The following MGAT4C variants were observed in gnomAD, a reference collection of about 807,000 sequenced individuals.
The protein encoded by MGAT4C is MGAT4 family member C.
Under a neutral mutation model 40.1 loss-of-function variants are expected in MGAT4C, and 19 were observed. The ratio of observed to expected loss-of-function variants is 0.47; its 90% CI spans 0.33 to 0.70. The LOEUF (loss-of-function observed/expected upper bound fraction) is 0.70. MGAT4C is among the 30% of genes least tolerant of loss of function. MGAT4C has a pLI of 0.02. For missense variants in MGAT4C, 491 were observed against 563.2 expected, an observed-to-expected ratio of 0.87 and a Z score of 1.30; for synonymous variants, 181 against 187.1, an observed-to-expected ratio of 0.97 and a Z score of 0.27.
chr12:86,461,504 C>T (rs976995261), intron 2 of MGAT4C, among the ~76,000 whole-genome samples: 3 of 152,070 alleles, frequency 2.0e-5, no homozygotes, highest in Non-Finnish European at 4.4e-5. Flanking sequence ...CTCGGCCTCC[C>T]AAAGTGCTGG....
At chr12:86,767,704 G>T (rs1010714715) in intron 1 of MGAT4C, among the ~76,000 whole-genome samples, 1 of 152,140 alleles carries the variant, frequency 6.6e-6, no homozygotes, top group Non-Finnish European at 1.5e-5. Context: ...ATGCAAGGCT[G>T]GTTCAATATA....
At chr12:86,791,886 G>A (rs950862546) in intron 1 of MGAT4C, among the ~76,000 whole-genome samples, 2 of 152,184 alleles carry the variant, frequency 1.3e-5, no homozygotes, top group African/African-American at 4.8e-5. Flanking sequence ...CTGGGGAAAA[G>A]CGCAGTGATT....
intron 2 of MGAT4C, among the ~76,000 whole-genome samples, chr12:86,584,061 T>C (rs1236432775): frequency 6.6e-6 from 1 of 150,888 alleles, no homozygotes; most frequent in African/African-American, 2.4e-5. Context: ...AAGGACGATA[T>C]ATAAAAGTCA....
chr12:86,714,007 C>G (rs752521888), intron 2 of MGAT4C, among the ~76,000 whole-genome samples: 1 of 152,082 alleles, frequency 6.6e-6, no homozygotes, highest in Non-Finnish European at 1.5e-5. Flanking sequence ...TGAGTCCTCA[C>G]GAGCATTGCA....
chr12:86,089,285 CTTATT>C (rs1872459198), intron 1 of MGAT4C, among the ~76,000 whole-genome samples: 2 of 151,732 alleles, frequency 1.3e-5, no homozygotes, highest in Admixed American at 1.3e-4. Context: ...AAAAGTGTTT[CTTATT>C]TTATTGTATT....
chr12:86,558,934 A>C (rs2136405624), intron 2 of MGAT4C, among the ~76,000 whole-genome samples: 1 of 152,086 alleles, frequency 6.6e-6, no homozygotes, highest in Admixed American at 6.5e-5. Context: ...AGAATGGATA[A>C]AAAACAATGC....
At chr12:86,299,573 G>A (rs1953762745) in intron 4 of MGAT4C, among the ~76,000 whole-genome samples, 1 of 152,016 alleles carries the variant, frequency 6.6e-6, no homozygotes, top group Admixed American at 6.6e-5. Flanking sequence ...TTCTCTTTTG[G>A]GTTTGTTAGG....
Position 86,836,765 on chromosome 12 carries a change from A to T in MGAT4C, c.-262+1901T>A, listed in dbSNP as rs1361522230. Among the ~76,000 whole-genome samples, 3 of 152,262 alleles carry T rather than the reference A, an allele frequency of 2.0e-5. No homozygotes were observed. In the East Asian group the frequency reaches 5.8e-4, roughly 29 times the overall value. ...ATTCAAAAGGCAAATTAAAGAATAT[A>T]TTGCTAAACTTCTATTCTAGCTCCT... is the stretch of plus-strand genomic sequence containing the variant. On this transcript the variant is annotated intron_variant, in intron 1 of 7. Transcript: ENST00000548651.
intron 1 of MGAT4C, among the ~76,000 whole-genome samples, chr12:86,132,080 T>C (rs1307325963): frequency 6.6e-6 from 1 of 152,208 alleles, no homozygotes; most frequent in African/African-American, 2.4e-5. Flanking sequence ...CAAGCTTTTT[T>C]AGGATCTACC....
intron 2 of MGAT4C, among the ~76,000 whole-genome samples, chr12:86,595,503 C>T (rs190488687): frequency 6.6e-6 from 1 of 151,392 alleles, no homozygotes; most frequent in Non-Finnish European, 1.5e-5. Flanking sequence ...TGCACTCCAG[C>T]CTGGGTGACA....
At chr12:86,318,148 AG>A (rs1162031128) in intron 4 of MGAT4C, among the ~76,000 whole-genome samples, 1 of 152,124 alleles carries the variant, frequency 6.6e-6, no homozygotes, top group Admixed American at 6.5e-5. Flanking sequence ...TGGTTCTGTG[AG>A]GAGAGATTTA....
At chr12:86,187,656 C>T (rs193091628) in intron 1 of MGAT4C, among the ~76,000 whole-genome samples, 1 of 151,458 alleles carries the variant, frequency 6.6e-6, no homozygotes, top group Admixed American at 6.6e-5. Flanking sequence ...AAAAAAGGGC[C>T]TATAACGGGC....
rs544715516 is a variant in MGAT4C at position 86,176,767 on chromosome 12, G to A, written c.-57+79472C>T. On this transcript the variant is annotated intron_variant, in intron 1 of 4. Coordinates refer to ENST00000611864, the MANE Select transcript of MGAT4C (RefSeq NM_001351288.2). ...ATTAAAATATTGATGATATTATATA[G>A]TGTGTTCTATATAATCCTTTTTTAG... Among the ~76,000 whole-genome samples, 3 of 149,658 alleles carry A rather than the reference G, an allele frequency of 2.0e-5. No homozygotes were observed. The East Asian group carries it at 5.9e-4, about 29-fold the overall frequency.
intron 2 of MGAT4C, among the ~76,000 whole-genome samples, chr12:86,655,544 T>G (rs1016721099): frequency 6.6e-6 from 1 of 152,126 alleles, no homozygotes; most frequent in Non-Finnish European, 1.5e-5. Flanking sequence ...TTTCCACAAC[T>G]TGAATGCCAT....
intron 2 of MGAT4C, among the ~76,000 whole-genome samples, chr12:86,638,565 A>G (rs1963290447): frequency 1.3e-5 from 2 of 151,796 alleles, no homozygotes. Context: ...TGCTTTTTAT[A>G]TATTATTGTA....
chr12:86,148,780 C>A (rs112744249), intron 1 of MGAT4C, among the ~76,000 whole-genome samples: 9,297 of 152,176 alleles, frequency 0.061, 413 homozygotes, highest in African/African-American at 0.13. Context: ...TACAGGCAGT[C>A]ATATTATTAA....
intron 4 of MGAT4C, among the ~76,000 whole-genome samples, chr12:86,265,747 A>G (rs938574422): frequency 3.3e-5 from 5 of 152,190 alleles, no homozygotes; most frequent in Non-Finnish European, 7.3e-5. Flanking sequence ...CAATGAAAGT[A>G]TGGTCATTTT....
intron 1 of MGAT4C, among the ~76,000 whole-genome samples, chr12:86,155,594 A>G (rs968891354): frequency 6.6e-6 from 1 of 152,206 alleles, no homozygotes; most frequent in Non-Finnish European, 1.5e-5. Flanking sequence ...ACTGATATGC[A>G]AAGGTATGAA....
At chr12:86,449,218 C>T (rs1957386252) in intron 2 of MGAT4C, among the ~76,000 whole-genome samples, 1 of 151,996 alleles carries the variant, frequency 6.6e-6, no homozygotes, top group African/African-American at 2.4e-5. Flanking sequence ...TATGGCAATG[C>T]CTGTTTTCTT....
Sources: allele counts gnomAD v4.1 joint callset (sites outside exome capture counted in the v4.1 genomes callset), GRCh38; gene constraint gnomAD v4.1.1; transcripts MANE v1.5; gene names NCBI Gene and HGNC (gene_info 2026-07-23, HGNC 2026-07-21).